Variants in FRMD5 observed in about 807,000 individuals in gnomAD.
The protein encoded by FRMD5 is FERM domain containing 5.
A neutral mutation model predicts 69.0 loss-of-function variants in FRMD5; 20 were observed. That is an observed-to-expected ratio of 0.29 (90% CI 0.20 to 0.42). The LOEUF is 0.42. Among genes scored for constraint, FRMD5 ranks in the 10% least tolerant of loss-of-function variants. The probability of loss-of-function intolerance (pLI) is 1.00; values close to 1 mark genes in which losing one functional copy is unlikely to be tolerated. For missense variants in FRMD5, 595 were observed against 708.6 expected (o/e 0.84, Z 1.82); for synonymous variants, 271 against 260.1 (o/e 1.04, Z -0.40).
intron 5 of FRMD5, among the ~76,000 whole-genome samples, chr15:43,909,238 T>G (rs544802562): frequency 2.0e-5 from 3 of 149,720 alleles, no homozygotes; most frequent in African/African-American, 7.4e-5. Flanking sequence ...CTACTAAAAA[T>G]ACAAAAAAAA....
intron 1 of FRMD5, among the ~76,000 whole-genome samples, chr15:43,964,500 C>CAAAAAAAAAAAA (rs59698503): frequency 7.7e-6 from 1 of 129,686 alleles, no homozygotes; most frequent in Non-Finnish European, 1.6e-5. Flanking sequence ...AACAAACAAA[C>CAAAAAAAAAAAA]AAAAAAAAAA....
At position 44,128,011 on chromosome 15, in the gene FRMD5, T is replaced by G. The variant is rs545136625; in HGVS notation, c.102+66942A>C. On this transcript the variant is annotated intron_variant, in intron 1 of 13. Transcript: ENST00000417257. ...GCTTATGCTTCCATTTTTAATTATT[T>G]AACTTATTTAGCAGCTATGCCAAGA... 3.9e-5 allele frequency among the ~76,000 whole-genome samples: 6 copies of G among 152,318 alleles called. No homozygotes were observed. The East Asian group carries it at 1.2e-3, about 29-fold the overall frequency.
rs113557312 is a variant in FRMD5 at position 43,936,969 on chromosome 15, T to C, written c.103-12660A>G. Among the ~76,000 whole-genome samples the C allele has an allele frequency of 4.4e-3, 673 of 152,304 alleles. 8 individuals carry two copies. Among genetic ancestry groups the C allele is most frequent in the African/African-American group, 0.015 (642 of 41,546 alleles). On this transcript the variant is annotated intron_variant, in intron 1 of 13. Transcript: ENST00000417257. ...AAAGCTCAATGCTGGAAAAAACTAATAATTACATTTGCTTAATTATATTGA... is the reference window on the plus strand; with the variant it reads ...AAAGCTCAATGCTGGAAAAAACTAACAATTACATTTGCTTAATTATATTGA...
chr15:44,173,166 G>A (rs554250396), intron 1 of FRMD5, among the ~76,000 whole-genome samples: 3 of 152,124 alleles, frequency 2.0e-5, no homozygotes, highest in Non-Finnish European at 4.4e-5. Flanking sequence ...ACATCTAAAG[G>A]AAACAAATCC....
intron 1 of FRMD5, among the ~76,000 whole-genome samples, chr15:44,059,683 T>G (rs1893012950): frequency 6.6e-6 from 1 of 151,952 alleles, no homozygotes; most frequent in African/African-American, 2.4e-5. Flanking sequence ...AGCTAATTTT[T>G]TTTTTGTATT....
At chr15:44,178,459 A>G (rs2077938541) in intron 1 of FRMD5, among the ~76,000 whole-genome samples, 1 of 152,358 alleles carries the variant, frequency 6.6e-6, no homozygotes, top group East Asian at 1.9e-4. Context: ...ACTGAGTTCT[A>G]TAACTAAGAG....
intron 1 of FRMD5, among the ~76,000 whole-genome samples, chr15:43,929,701 G>A (rs1232682872): frequency 4.6e-5 from 7 of 152,210 alleles, no homozygotes; most frequent in Non-Finnish European, 1.0e-4. Context: ...CCTGGAGGAA[G>A]GGCAACAGTT....
intron 1 of FRMD5, among the ~76,000 whole-genome samples, chr15:44,090,547 C>T (rs1346281550): frequency 1.3e-5 from 2 of 151,298 alleles, no homozygotes; most frequent in African/African-American, 4.9e-5. Context: ...TCCAGTAATT[C>T]TCCCACCTCA....
intron 1 of FRMD5, among the ~76,000 whole-genome samples, chr15:44,034,056 G>T (rs1163693419): frequency 6.6e-6 from 1 of 152,212 alleles, no homozygotes; most frequent in African/African-American, 2.4e-5. Flanking sequence ...GACTCCAGGA[G>T]TCTGCCCAGT....
Position 43,873,616 on chromosome 15 carries a change from C to T in FRMD5, c.*269G>A. 1.4e-6 allele frequency: 2 copies of T among 1,458,862 alleles called. No homozygotes were observed. Among genetic ancestry groups the T allele is most frequent in the Non-Finnish European group, 1.8e-6 (2 of 1,115,068 alleles). 90.4% of individuals were successfully genotyped at this position (1,458,862 alleles called of 1,614,324 possible). A position where few individuals can be genotyped will look rare whatever the true frequency, so the allele number is the denominator to read the frequency against. ...TCAAAATTCAAAACCAAAAATTATC[C>T]TGCAAATTGGAAAGATGAGAAACAG... is the stretch of plus-strand genomic sequence containing the variant. On this transcript the variant is annotated 3_prime_UTR_variant, in exon 14 of 14. Coordinates refer to ENST00000417257, the MANE Select transcript of FRMD5 (RefSeq NM_032892.5).
At chr15:43,973,778 C>T (rs909148528) in intron 1 of FRMD5, among the ~76,000 whole-genome samples, 3 of 151,592 alleles carry the variant, frequency 2.0e-5, no homozygotes, top group African/African-American at 2.4e-5. Context: ...TTCCTTAATA[C>T]AACCCAAACC....
rs528273382 is a variant in FRMD5 at position 44,193,793 on chromosome 15, T to G, written c.102+1160A>C. The stretch of plus-strand genomic sequence containing the variant: ...CCAGTGTCTTTCTCACACACCGCTA[T>G]TTTCCGCGATTGAGCACTGTCAGCA... On this transcript the variant is annotated intron_variant, in intron 1 of 13. Coordinates refer to ENST00000417257, the MANE Select transcript of FRMD5 (RefSeq NM_032892.5). 7.2e-5 allele frequency among the ~76,000 whole-genome samples: 11 copies of G among 152,284 alleles called. No homozygotes were observed. The East Asian group carries it at 2.1e-3, about 29-fold the overall frequency.
chr15:44,014,562 T>A (rs1441771685), intron 1 of FRMD5, among the ~76,000 whole-genome samples: 1 of 151,680 alleles, frequency 6.6e-6, no homozygotes, highest in Non-Finnish European at 1.5e-5. Flanking sequence ...CATGGTGAAA[T>A]CCCATCTCTA....
chr15:43,959,505 T>C (rs2090163615), intron 1 of FRMD5, among the ~76,000 whole-genome samples: 3 of 152,214 alleles, frequency 2.0e-5, no homozygotes, highest in Admixed American at 1.3e-4. Flanking sequence ...CTGATTTAGA[T>C]TTTAATAGCT....
rs557411558 is a variant in FRMD5 at position 44,157,909 on chromosome 15, T to C, written c.102+37044A>G. Among the ~76,000 whole-genome samples the C allele has an allele frequency of 2.0e-4, 30 of 152,300 alleles. No homozygotes were observed. The South Asian group carries it at 3.7e-3, about 19-fold the overall frequency. ...TCAAGTCATATGCCTGATGAGACAA[T>C]TGAATCACATTACTGGACTACATTT... On this transcript the variant is annotated intron_variant, in intron 1 of 13. Transcript: ENST00000417257.
chr15:44,153,241 G>A (rs2077474579), intron 1 of FRMD5, among the ~76,000 whole-genome samples: 3 of 152,076 alleles, frequency 2.0e-5, no homozygotes, highest in Non-Finnish European at 2.9e-5. Context: ...CTGAACACAA[G>A]GTCTCAAAGA....
chr15:43,889,882 C>T (rs1045926654), intron 8 of FRMD5, among the ~76,000 whole-genome samples: 1 of 152,212 alleles, frequency 6.6e-6, no homozygotes, highest in Non-Finnish European at 1.5e-5. Context: ...CACTTGGCTG[C>T]TGCTTTTTTT....
chr15:44,059,263 C>A (rs905451784), intron 1 of FRMD5, among the ~76,000 whole-genome samples: 1 of 151,934 alleles, frequency 6.6e-6, no homozygotes, highest in Admixed American at 6.6e-5. Context: ...TAGATTCCCA[C>A]CCCCTCCTCG....
chr15:44,048,671 C>T (rs1892531470), intron 1 of FRMD5, among the ~76,000 whole-genome samples: 1 of 152,118 alleles, frequency 6.6e-6, no homozygotes, highest in Non-Finnish European at 1.5e-5. Flanking sequence ...CTCCCAGGTT[C>T]AAGCGATTCT....
Sources: allele counts gnomAD v4.1 joint callset (sites outside exome capture counted in the v4.1 genomes callset), GRCh38; gene constraint gnomAD v4.1.1; transcripts MANE v1.5; gene names NCBI Gene and HGNC (gene_info 2026-07-23, HGNC 2026-07-21).